Variants in NAA11 observed in about 807,000 individuals in gnomAD.
The protein encoded by NAA11 is N-alpha-acetyltransferase 11, NatA catalytic subunit, also known as N-alpha-acetyltransferase 11.
A neutral mutation model predicts 16.1 loss-of-function variants in NAA11; 15 were observed. The observed-to-expected ratio is 0.93, with a 90% CI of 0.62 to 1.44. NAA11 has a LOEUF of 1.44. Among genes scored for constraint, NAA11 ranks in the 40% most tolerant of loss-of-function variants. NAA11 has a pLI of 0.00. For missense variants in NAA11, 298 were observed against 291.3 expected (o/e 1.02, Z -0.17); for synonymous variants, 122 against 112.4 (o/e 1.09, Z -0.54).
At chr4:79,217,617 G>C in the NAA11 span, among the ~76,000 whole-genome samples, 1 of 152,060 alleles carries the variant, frequency 6.6e-6, no homozygotes, top group Non-Finnish European at 1.5e-5. Flanking sequence ...AAAAATATAA[G>C]CACATGAATT....
chr4:79,317,539 G>A lies in NAA11; in HGVS notation c.*265C>T, dbSNP rs1385056. 0.08 allele frequency: 12,109 copies of A among 152,262 alleles called. 745 individuals are homozygous for A. The highest frequency in any genetic ancestry group is 0.16 in the African/African-American group (6,593 of 41,504). The allele number at this position is 152,262 out of a possible 1,614,324, so 9.4% of individuals were successfully genotyped here. On this transcript the variant is annotated 3_prime_UTR_variant, in exon 2 of 2. Transcript: ENST00000286794. ...ACTACAAACAGAATAAAATGGCAGC[G>A]TAGTGTGAGTAGGCCAAGAAAGGTT...
At chr4:79,220,437 CTGTGTGTGTG>C in the NAA11 span, among the ~76,000 whole-genome samples, 4 of 142,948 alleles carry the variant, frequency 2.8e-5, no homozygotes, top group African/African-American at 7.6e-5. Context: ...GTGTGTGTGT[CTGTGTGTGTG>C]TGTGTGTGTG....
chr4:79,227,257 C>T (rs901696700), intron 2 of NAA11: 1 of 151,916 alleles, frequency 6.6e-6, no homozygotes, highest in Non-Finnish European at 1.5e-5. Context: ...TTGCAATCTA[C>T]TCATCTGACA....
At chr4:79,188,158 TTAGAC>T in the NAA11 span, among the ~76,000 whole-genome samples, 1 of 152,216 alleles carries the variant, frequency 6.6e-6, no homozygotes, top group East Asian at 1.9e-4. Flanking sequence ...TTATCTAAAA[TTAGAC>T]TAGGCATTCA....
At chr4:79,319,548 G>A (rs1203534967) in intron 1 of NAA11, among the ~76,000 whole-genome samples, 1 of 152,090 alleles carries the variant, frequency 6.6e-6, no homozygotes, top group Non-Finnish European at 1.5e-5. Context: ...AGAGCATAGA[G>A]TACAAAATTT....
intron 2 of NAA11, among the ~76,000 whole-genome samples, chr4:79,247,923 C>T (rs1721879960): frequency 6.6e-6 from 1 of 152,160 alleles, no homozygotes; most frequent in East Asian, 1.9e-4. Flanking sequence ...TGGCACAGAT[C>T]CCAGAGGATT....
chr4:79,287,811 T>C (rs1316740100), intron 2 of NAA11, among the ~76,000 whole-genome samples: 2 of 152,184 alleles, frequency 1.3e-5, no homozygotes, highest in Admixed American at 1.3e-4. Flanking sequence ...CTAAATAGGA[T>C]CTTAACAGAC....
chr4:79,210,527 A>T, the NAA11 span, among the ~76,000 whole-genome samples: 1 of 152,100 alleles, frequency 6.6e-6, no homozygotes, highest in Non-Finnish European at 1.5e-5. Context: ...TGTTCAGAGG[A>T]CCTTACAAAA....
chr4:79,248,594 C>G (rs1394991825), intron 2 of NAA11, among the ~76,000 whole-genome samples: 1 of 152,134 alleles, frequency 6.6e-6, no homozygotes, highest in Non-Finnish European at 1.5e-5. Context: ...AGTGCTCTAC[C>G]CCTGCATTGA....
chr4:79,191,597 G>A, the NAA11 span, among the ~76,000 whole-genome samples: 9 of 151,908 alleles, frequency 5.9e-5, no homozygotes, highest in African/African-American at 9.7e-5. Context: ...TCTCAGATAC[G>A]TATTTTGCAA....
chr4:79,266,011 C>T (rs545569857), intron 2 of NAA11, among the ~76,000 whole-genome samples: 33 of 152,278 alleles, frequency 2.2e-4, no homozygotes, highest in Middle Eastern at 3.4e-3. Flanking sequence ...GTTGGGAAAA[C>T]TCAGTATCAA....
At chr4:79,303,247 C>A (rs2110004354) in intron 1 of NAA11, among the ~76,000 whole-genome samples, 1 of 151,556 alleles carries the variant, frequency 6.6e-6, no homozygotes, top group East Asian at 1.9e-4. Flanking sequence ...AAAATCTTTG[C>A]AAAGACACTC....
At chr4:79,159,407 A>G in the NAA11 span, among the ~76,000 whole-genome samples, 1 of 152,214 alleles carries the variant, frequency 6.6e-6, no homozygotes, top group Admixed American at 6.5e-5. Context: ...TCCTGCAAGA[A>G]TGACCATTAA....
intron 1 of NAA11, among the ~76,000 whole-genome samples, chr4:79,297,297 C>CCACT (rs1723251625): frequency 6.6e-6 from 1 of 152,194 alleles, no homozygotes. Flanking sequence ...GCTGAGCCAC[C>CCACT]CACTGGATGG....
At chr4:79,288,349 G>A (rs1160952136) in intron 2 of NAA11, among the ~76,000 whole-genome samples, 7 of 152,216 alleles carry the variant, frequency 4.6e-5, no homozygotes, top group African/African-American at 1.4e-4. Context: ...AGAGGTGCCA[G>A]AACAATAATT....
chr4:79,309,746 C>T (rs1193574054), intron 1 of NAA11, among the ~76,000 whole-genome samples: 3 of 109,906 alleles, frequency 2.7e-5, no homozygotes, highest in Non-Finnish European at 5.0e-5. Flanking sequence ...GATGGAGTCT[C>T]GCTCTGTCGC....
chr4:79,311,316 C>CA (rs1723763002), intron 1 of NAA11, among the ~76,000 whole-genome samples: 2 of 152,122 alleles, frequency 1.3e-5, no homozygotes, highest in South Asian at 4.1e-4. Flanking sequence ...AAATTCAAGT[C>CA]AGTAATAAAA....
chr4:79,261,836 GA>G (rs1277213573), intron 2 of NAA11, among the ~76,000 whole-genome samples: 2 of 152,094 alleles, frequency 1.3e-5, no homozygotes, highest in African/African-American at 2.4e-5. Context: ...TTAAATAGTG[GA>G]AAACAGTGGA....
chr4:79,164,704 C>T, the NAA11 span, among the ~76,000 whole-genome samples: 1 of 152,176 alleles, frequency 6.6e-6, no homozygotes, highest in Non-Finnish European at 1.5e-5. Context: ...GAAGTGGTTT[C>T]AGATCATTCA....
Sources: allele counts gnomAD v4.1 joint callset (sites outside exome capture counted in the v4.1 genomes callset), GRCh38; gene constraint gnomAD v4.1.1; transcripts MANE v1.5; gene names NCBI Gene and HGNC (gene_info 2026-07-23, HGNC 2026-07-21).